Variants in HMGCLL1 observed in about 807,000 individuals in gnomAD.
HMGCLL1 encodes the protein 3-hydroxy-3-methylglutaryl-CoA lyase like 1.
HMGCLL1 carries 36 observed loss-of-function variants against 39.1 expected under a neutral mutation model. The observed-to-expected ratio is 0.92, with a 90% CI of 0.71 to 1.22. The LOEUF (loss-of-function observed/expected upper bound fraction) is 1.22. Among genes scored for constraint, HMGCLL1 ranks in the 50% most tolerant of loss-of-function variants. HMGCLL1 has a pLI of 0.00. For missense variants in HMGCLL1, 451 were observed against 416.5 expected (o/e 1.08, Z -0.72); for synonymous variants, 149 against 144.0 (o/e 1.03, Z -0.25).
chr6:55,569,047 T>C (rs975402395), intron 1 of HMGCLL1, among the ~76,000 whole-genome samples: 2 of 151,790 alleles, frequency 1.3e-5, no homozygotes, highest in Non-Finnish European at 2.9e-5. Flanking sequence ...CCAGCTGGAA[T>C]CTGAGAAAGC....
At chr6:55,500,098 T>C (rs537395832) in intron 5 of HMGCLL1, among the ~76,000 whole-genome samples, 2 of 152,118 alleles carry the variant, frequency 1.3e-5, no homozygotes, top group Admixed American at 6.6e-5. Context: ...GTATGATATT[T>C]AGGAATGAAT....
chr6:55,580,493 GA>G (rs1160594759), upstream of HMGCLL1, among the ~76,000 whole-genome samples: 2 of 122,770 alleles, frequency 1.6e-5, no homozygotes, highest in African/African-American at 3.1e-5. Flanking sequence ...TCGGCTCACT[GA>G]AAGCTTCTCC....
the HMGCLL1 span, among the ~76,000 whole-genome samples, chr6:55,628,450 G>C: frequency 6.6e-6 from 1 of 150,774 alleles, no homozygotes; most frequent in African/African-American, 2.4e-5. Context: ...TTACAGGCAC[G>C]CATCACCACA....
chr6:55,535,541 T>C (rs1410955257), intron 3 of HMGCLL1, among the ~76,000 whole-genome samples: 1 of 152,148 alleles, frequency 6.6e-6, no homozygotes, highest in East Asian at 1.9e-4. Context: ...AAGAAAATAG[T>C]GTTCTATGCA....
chr6:55,618,411 T>C, the HMGCLL1 span, among the ~76,000 whole-genome samples: 1 of 151,890 alleles, frequency 6.6e-6, no homozygotes, highest in Admixed American at 6.6e-5. Flanking sequence ...TCTAGTGGAC[T>C]TCTAGTAAGA....
At chr6:55,633,020 T>G in the HMGCLL1 span, among the ~76,000 whole-genome samples, 2 of 152,094 alleles carry the variant, frequency 1.3e-5, no homozygotes, top group African/African-American at 4.8e-5. Flanking sequence ...AGAATTTACA[T>G]GTACAGCAGA....
At chr6:55,624,894 A>G in the HMGCLL1 span, among the ~76,000 whole-genome samples, 1 of 152,120 alleles carries the variant, frequency 6.6e-6, no homozygotes, top group Non-Finnish European at 1.5e-5. Context: ...TTTCCAGCCC[A>G]TTTATTGAGT....
intron 3 of HMGCLL1, among the ~76,000 whole-genome samples, chr6:55,539,222 C>T (rs550629499): frequency 6.6e-6 from 1 of 152,246 alleles, no homozygotes; most frequent in East Asian, 1.9e-4. Flanking sequence ...GTCTTGAATA[C>T]CAAACCAAAG....
At chr6:55,621,379 C>T in the HMGCLL1 span, among the ~76,000 whole-genome samples, 24 of 152,040 alleles carry the variant, frequency 1.6e-4, no homozygotes, top group East Asian at 3.7e-3. Context: ...GGCAACACAA[C>T]GGGTGGTGAG....
the HMGCLL1 span, among the ~76,000 whole-genome samples, chr6:55,667,779 T>TA: frequency 6.6e-6 from 1 of 151,904 alleles, no homozygotes; most frequent in Non-Finnish European, 1.5e-5. Flanking sequence ...CTGTTAATTT[T>TA]ACTAAACTTT....
the HMGCLL1 span, among the ~76,000 whole-genome samples, chr6:55,677,418 T>G: frequency 3.9e-4 from 60 of 152,266 alleles, no homozygotes; most frequent in African/African-American, 1.4e-3. Context: ...TCCTACATAA[T>G]AATCTTTAAA....
chr6:55,451,015 C>G (rs1019301251), intron 7 of HMGCLL1, among the ~76,000 whole-genome samples: 3 of 152,128 alleles, frequency 2.0e-5, no homozygotes, highest in African/African-American at 7.2e-5. Flanking sequence ...TTCTAGCTCC[C>G]TAACACTTGC....
the HMGCLL1 span, among the ~76,000 whole-genome samples, chr6:55,650,617 C>CT: frequency 6.6e-6 from 1 of 152,038 alleles, no homozygotes; most frequent in African/African-American, 2.4e-5. Flanking sequence ...AGGTCTTTCC[C>CT]TTCAGCATGG....
chr6:55,549,634 C>G (rs892432183), intron 1 of HMGCLL1, among the ~76,000 whole-genome samples: 1 of 151,852 alleles, frequency 6.6e-6, no homozygotes, highest in African/African-American at 2.4e-5. Context: ...GTTCAAACTC[C>G]TAAGATGGCA....
upstream of HMGCLL1, among the ~76,000 whole-genome samples, chr6:55,580,409 T>A (rs1483192364): frequency 0.067 from 3,369 of 50,102 alleles, 104 homozygotes; most frequent in South Asian, 0.26. Context: ...TTTCTTTCTT[T>A]TTTTTTTTTT....
intron 1 of HMGCLL1, among the ~76,000 whole-genome samples, chr6:55,558,600 T>G (rs72986089): frequency 0.2 from 31,060 of 152,060 alleles, 3,269 homozygotes; most frequent in Admixed American, 0.26. Flanking sequence ...TGCTTCTAGA[T>G]CTCATAGTCC....
chr6:55,627,673 A>G, the HMGCLL1 span, among the ~76,000 whole-genome samples: 1 of 142,276 alleles, frequency 7.0e-6, no homozygotes, highest in African/African-American at 2.5e-5. Flanking sequence ...TCCAGGGAAT[A>G]TAAAGCAGGC....
At chr6:55,452,103 A>T (rs796544786) in intron 7 of HMGCLL1, among the ~76,000 whole-genome samples, 18 of 152,344 alleles carry the variant, frequency 1.2e-4, no homozygotes, top group African/African-American at 3.8e-4. Context: ...ATATATTATA[A>T]AAACTGAAGA....
At chr6:55,634,012 C>A in the HMGCLL1 span, among the ~76,000 whole-genome samples, 1 of 151,964 alleles carries the variant, frequency 6.6e-6, no homozygotes, top group South Asian at 2.1e-4. Flanking sequence ...ATATTACTTT[C>A]AATCCTTCTA....
Sources: allele counts gnomAD v4.1 joint callset (sites outside exome capture counted in the v4.1 genomes callset), GRCh38; gene constraint gnomAD v4.1.1; transcripts MANE v1.5; gene names NCBI Gene and HGNC (gene_info 2026-07-23, HGNC 2026-07-21).